The following MTHFD1L variants were observed in gnomAD, a reference collection of about 807,000 sequenced individuals.
MTHFD1L encodes monofunctional C1-tetrahydrofolate synthase, mitochondrial.
In MTHFD1L, 81 loss-of-function variants were observed where a neutral mutation model predicts 119.5. That is an observed-to-expected ratio of 0.68 (90% CI 0.57 to 0.82). MTHFD1L has a LOEUF of 0.82. Among genes scored for constraint, MTHFD1L ranks in the 40% least tolerant of loss-of-function variants. The pLI is 0.00. For missense variants in MTHFD1L, 1,125 were observed against 1,253.4 expected (o/e 0.90, Z 1.55); for synonymous variants, 430 against 475.2 (o/e 0.90, Z 1.24).
intron 7 of MTHFD1L, chr6:150,898,753 AC>A: frequency 1.4e-5 from 4 of 295,706 alleles, no homozygotes; most frequent in East Asian, 1.4e-4. Flanking sequence ...TCCTGTTACC[AC>A]CCCCCATCTA....
chr6:151,015,793 T>G (rs1447682801), intron 24 of MTHFD1L, 100 bp downstream of exon 24: 1 of 1,391,710 alleles, frequency 7.2e-7, no homozygotes, highest in Non-Finnish European at 9.6e-7. Flanking sequence ...AAACTAAAGA[T>G]AGAAGAGTTT....
At chr6:151,069,161 A>G (rs1334340775) in intron 26 of MTHFD1L, among the ~76,000 whole-genome samples, 3 of 152,050 alleles carry the variant, frequency 2.0e-5, no homozygotes, top group Non-Finnish European at 4.4e-5. Context: ...TTATATCATA[A>G]GTACAGCCAC....
At chr6:151,017,266 C>A (rs1459144920) in intron 24 of MTHFD1L, among the ~76,000 whole-genome samples, 1 of 152,130 alleles carries the variant, frequency 6.6e-6, no homozygotes. Flanking sequence ...CTCCAGGGAC[C>A]TCATGTAAGT....
chr6:150,966,531 TG>T (rs750159465), intron 19 of MTHFD1L, among the ~76,000 whole-genome samples: 1 of 151,746 alleles, frequency 6.6e-6, no homozygotes, highest in Non-Finnish European at 1.5e-5. Flanking sequence ...ATGACAGAAA[TG>T]GGGGGATTGG....
chr6:150,980,216 T>C (rs963312127), intron 20 of MTHFD1L, among the ~76,000 whole-genome samples: 1 of 152,240 alleles, frequency 6.6e-6, no homozygotes, highest in African/African-American at 2.4e-5. Flanking sequence ...AGGAAACTGC[T>C]AATCACAGGT....
intron 20 of MTHFD1L, among the ~76,000 whole-genome samples, chr6:150,994,077 A>AGGAGGG (rs1554273889): frequency 9.5e-6 from 1 of 105,300 alleles, no homozygotes; most frequent in African/African-American, 3.7e-5. Context: ...AAAAAAAAAA[A>AGGAGGG]AAAGAAAGAA....
intron 26 of MTHFD1L, among the ~76,000 whole-genome samples, chr6:151,074,692 C>A (rs1055946094): frequency 6.6e-6 from 1 of 152,194 alleles, no homozygotes; most frequent in African/African-American, 2.4e-5. Flanking sequence ...TGTACCCTTT[C>A]TATTGTATGT....
chr6:150,940,023 T>C (rs766497177), intron 13 of MTHFD1L, among the ~76,000 whole-genome samples: 2 of 152,104 alleles, frequency 1.3e-5, no homozygotes, highest in Non-Finnish European at 2.9e-5. Flanking sequence ...GGTTCCAGGA[T>C]TTTCCCATGC....
At chr6:151,018,706 G>A (rs1236657157) in intron 24 of MTHFD1L, among the ~76,000 whole-genome samples, 1 of 152,154 alleles carries the variant, frequency 6.6e-6, no homozygotes, top group Non-Finnish European at 1.5e-5. Context: ...AAAGGGGACA[G>A]TGACTGAGTG....
At chr6:150,983,490 T>G (rs911977165) in intron 20 of MTHFD1L, among the ~76,000 whole-genome samples, 1 of 152,160 alleles carries the variant, frequency 6.6e-6, no homozygotes, top group Admixed American at 6.5e-5. Flanking sequence ...CCTCCATAGA[T>G]CTAAGGCAGC....
chr6:150,940,655 G>A (rs796736696), intron 13 of MTHFD1L, among the ~76,000 whole-genome samples: 8 of 151,714 alleles, frequency 5.3e-5, no homozygotes, highest in Non-Finnish European at 1.2e-4. Context: ...ATCTCGGCTC[G>A]CTGCAACCTC....
chr6:150,967,846 C>T lies in MTHFD1L; in HGVS notation c.2013+2809C>T, dbSNP rs1458191881. On this transcript the variant is annotated intron_variant, in intron 19 of 27. Transcript: ENST00000367321. ...CTTTTCTTCCAAAATACTCTCTCCT[C>T]AGCAGCCATAGAGACTGAAACCTAA... Among the ~76,000 whole-genome samples the T allele has an allele frequency of 2.6e-5, 4 of 152,148 alleles. No individual in the cohort carries two copies. In the South Asian group the frequency reaches 8.3e-4, roughly 32 times the overall value.
chr6:151,061,787 A>G (rs1392176171), intron 26 of MTHFD1L, among the ~76,000 whole-genome samples: 1 of 152,182 alleles, frequency 6.6e-6, no homozygotes, highest in East Asian at 1.9e-4. Context: ...ACCACCATAG[A>G]GACCATCTAG....
At chr6:150,866,272 C>G in intron 1 of MTHFD1L, 3 of 1,456,188 alleles carry the variant, frequency 2.1e-6, no homozygotes, top group South Asian at 2.7e-5. Context: ...GGGCCCGCAG[C>G]GCAGGTGGGC....
chr6:151,019,263 C>T (rs1783598476), intron 24 of MTHFD1L, among the ~76,000 whole-genome samples: 2 of 103,394 alleles, frequency 1.9e-5, no homozygotes, highest in African/African-American at 6.9e-5. Flanking sequence ...TGATCATGAA[C>T]CACCCCACTC....
At chr6:151,035,322 A>G (rs1412930938) in intron 25 of MTHFD1L, among the ~76,000 whole-genome samples, 2 of 152,212 alleles carry the variant, frequency 1.3e-5, no homozygotes. Context: ...AGTCGGATAG[A>G]TAGCAGTCAG....
intron 24 of MTHFD1L, among the ~76,000 whole-genome samples, chr6:151,033,308 C>T (rs1240241967): frequency 2.6e-5 from 4 of 151,910 alleles, no homozygotes; most frequent in Non-Finnish European, 5.9e-5. Context: ...TTAGCAGAGA[C>T]GGGGTTTCAC....
chr6:150,869,382 G>A (rs569632679), intron 1 of MTHFD1L, among the ~76,000 whole-genome samples: 1 of 152,144 alleles, frequency 6.6e-6, no homozygotes, highest in East Asian at 1.9e-4. Flanking sequence ...CTGGGTCCAC[G>A]TGTTCTTATT....
chr6:150,932,753 AGC>A (rs994859421), intron 11 of MTHFD1L, among the ~76,000 whole-genome samples: 8 of 149,928 alleles, frequency 5.3e-5, no homozygotes, highest in African/African-American at 2.0e-4. Flanking sequence ...GGGCAACAAG[AGC>A]GAAACTCCAT....
Sources: allele counts gnomAD v4.1 joint callset (sites outside exome capture counted in the v4.1 genomes callset), GRCh38; gene constraint gnomAD v4.1.1; transcripts MANE v1.5; gene names NCBI Gene and HGNC (gene_info 2026-07-23, HGNC 2026-07-21).